The following PDE4D variants were observed in gnomAD, a reference collection of about 807,000 sequenced individuals.
PDE4D encodes the protein phosphodiesterase 4D.
In PDE4D, 24 loss-of-function variants were observed where a neutral mutation model predicts 87.4. The ratio of observed to expected loss-of-function variants is 0.27; its 90% confidence interval spans 0.20 to 0.39. The LOEUF is 0.39. Ranked by LOEUF, PDE4D falls within the 10% of genes least tolerant of loss-of-function variation. The pLI is 1.00. For synonymous variants in PDE4D, 384 were observed against 383.2 expected (o/e 1.00, Z -0.02); for missense variants, 714 against 1,041.0 (o/e 0.69, Z 4.32).
chr5:59,766,180 G>A (rs1480825454), intron 1 of PDE4D, among the ~76,000 whole-genome samples: 1 of 152,180 alleles, frequency 6.6e-6, no homozygotes, highest in African/African-American at 2.4e-5. Flanking sequence ...TATTATGAAC[G>A]TCTTGGGGCT....
At chr5:59,884,271 T>C (rs903978441) in intron 1 of PDE4D, among the ~76,000 whole-genome samples, 1 of 151,682 alleles carries the variant, frequency 6.6e-6, no homozygotes, top group African/African-American at 2.4e-5. Flanking sequence ...TATATGTATA[T>C]AGATATAAAT....
chr5:58,990,041 G>A, intron 9 of PDE4D, 122 bp from the exon 10 acceptor site: 2 of 623,332 alleles, frequency 3.2e-6, no homozygotes, highest in Non-Finnish European at 5.6e-6. Flanking sequence ...AATGGCAACT[G>A]CACTCTCACA....
chr5:59,783,985 AAG>A (rs1764887203), intron 1 of PDE4D, among the ~76,000 whole-genome samples: 1 of 152,096 alleles, frequency 6.6e-6, no homozygotes, highest in African/African-American at 2.4e-5. Flanking sequence ...TTCAGCCTGG[AAG>A]GTCAAGGCTG....
chr5:59,190,652 G>A (rs1581273107), intron 3 of PDE4D, among the ~76,000 whole-genome samples: 1 of 152,054 alleles, frequency 6.6e-6, no homozygotes, highest in African/African-American at 2.4e-5. Context: ...CCATTAAGTG[G>A]TAAGTGCTTT....
intron 6 of PDE4D, among the ~76,000 whole-genome samples, chr5:59,016,077 T>C (rs2153369939): frequency 6.6e-6 from 1 of 152,168 alleles, no homozygotes; most frequent in South Asian, 2.1e-4. Context: ...AATTGAACAA[T>C]GAGAACACTT....
chr5:59,138,606 G>C (rs959527755), intron 5 of PDE4D, among the ~76,000 whole-genome samples: 1 of 152,178 alleles, frequency 6.6e-6, no homozygotes, highest in African/African-American at 2.4e-5. Flanking sequence ...AAGCCATCTA[G>C]TCTCTTGCCT....
chr5:59,342,584 G>T (rs244575), intron 1 of PDE4D, among the ~76,000 whole-genome samples: 71,203 of 151,906 alleles, frequency 0.47, 16,944 homozygotes, highest in African/African-American at 0.54. Context: ...GGGAGGAATG[G>T]GACAGAGTTT....
At chr5:59,843,814 A>G (rs2152710048) in intron 1 of PDE4D, among the ~76,000 whole-genome samples, 1 of 152,278 alleles carries the variant, frequency 6.6e-6, no homozygotes, top group Admixed American at 6.5e-5. Flanking sequence ...CTAGATTGAC[A>G]GACAAGAGTT....
intron 1 of PDE4D, among the ~76,000 whole-genome samples, chr5:59,242,041 A>C (rs900438532): frequency 6.6e-6 from 1 of 152,158 alleles, no homozygotes; most frequent in Non-Finnish European, 1.5e-5. Flanking sequence ...AGGTATAGGA[A>C]AGTGATAACT....
At chr5:59,018,387 A>G (rs1473440237) in intron 6 of PDE4D, among the ~76,000 whole-genome samples, 1 of 152,220 alleles carries the variant, frequency 6.6e-6, no homozygotes, top group Non-Finnish European at 1.5e-5. Context: ...GTGTAAGTCT[A>G]TTACACTTTG....
intron 6 of PDE4D, among the ~76,000 whole-genome samples, chr5:59,014,493 T>C (rs1343989049): frequency 6.6e-6 from 1 of 152,156 alleles, no homozygotes; most frequent in Non-Finnish European, 1.5e-5. Flanking sequence ...AGCATTCCTA[T>C]ACACCAATAA....
chr5:60,308,104 C>T (rs1583371300), intron 1 of PDE4D, among the ~76,000 whole-genome samples: 1 of 152,212 alleles, frequency 6.6e-6, no homozygotes, highest in South Asian at 2.1e-4. Context: ...ATTTCCATGA[C>T]AATTTAAAAA....
At chr5:59,813,247 C>T (rs2152681030) in intron 1 of PDE4D, among the ~76,000 whole-genome samples, 1 of 152,338 alleles carries the variant, frequency 6.6e-6, no homozygotes, top group Non-Finnish European at 1.5e-5. Flanking sequence ...TGGCTCAAGC[C>T]TCTCCTACAT....
At chr5:59,685,340 G>A (rs1056051224) in intron 1 of PDE4D, among the ~76,000 whole-genome samples, 5 of 152,120 alleles carry the variant, frequency 3.3e-5, no homozygotes, top group Non-Finnish European at 5.9e-5. Context: ...CTCTTCTGTG[G>A]TGATAGATTA....
At chr5:60,441,319 C>G (rs530607913) in intron 1 of PDE4D, among the ~76,000 whole-genome samples, 1 of 152,122 alleles carries the variant, frequency 6.6e-6, no homozygotes, top group East Asian at 1.9e-4. Context: ...ACAAACCTGA[C>G]AAAAACAAGC....
At chr5:59,197,627 CCT>C (rs1220674026) in intron 2 of PDE4D, among the ~76,000 whole-genome samples, 1 of 152,228 alleles carries the variant, frequency 6.6e-6, no homozygotes, top group Middle Eastern at 3.4e-3. Flanking sequence ...GCAAGTAAAA[CCT>C]ATTTTTATTT....
chr5:60,258,172 G>A (rs555294329), intron 1 of PDE4D, among the ~76,000 whole-genome samples: 20 of 152,088 alleles, frequency 1.3e-4, no homozygotes, highest in South Asian at 4.2e-4. Context: ...GCTGCCTGCC[G>A]ATGGTGATTT....
At chr5:59,703,382 A>G (rs1182503524) in intron 1 of PDE4D, among the ~76,000 whole-genome samples, 1 of 152,224 alleles carries the variant, frequency 6.6e-6, no homozygotes, top group Non-Finnish European at 1.5e-5. Flanking sequence ...ACTTTCAGAC[A>G]ATAATTAACA....
In PDE4D at chr5:60,095,012, C is replaced by G. The variant is rs1053410615; in HGVS notation, c.42+90545G>C. ...TGAAGCAAGATAACAAAAATATCTA[C>G]ATAATATAATTTTTTAACATATTTC... On this transcript the variant is annotated intron_variant, in intron 2 of 16. Coordinates refer to the PDE4D transcript ENST00000502484. Among the ~76,000 whole-genome samples the G allele has an allele frequency of 3.7e-4, 56 of 152,216 alleles. 1 individual carries two copies. Among genetic ancestry groups the G allele is most frequent in the Middle Eastern group, 3.4e-3 (1 of 294 alleles).
Sources: gnomAD v4.1 joint callset for allele counts (sites outside exome capture counted in the v4.1 genomes callset) on GRCh38, gnomAD v4.1.1 for gene constraint, MANE v1.5 for transcripts, NCBI Gene and HGNC (gene_info 2026-07-23, HGNC 2026-07-21) for gene names.